The following TVP23A variants were observed in gnomAD, a reference collection of about 807,000 sequenced individuals.
The protein encoded by TVP23A is trans-golgi network vesicle protein 23 homolog A, also known as Golgi apparatus membrane protein TVP23 homolog A.
In TVP23A, 21 loss-of-function variants were observed where a neutral mutation model predicts 31.7. The observed-to-expected ratio is 0.66, with a 90% CI of 0.47 to 0.95. TVP23A has a LOEUF of 0.95. Among genes scored for constraint, TVP23A ranks in the 40% least tolerant of loss-of-function variants. The probability of loss-of-function intolerance (pLI) is 0.00; values close to 1 mark genes in which losing one functional copy is unlikely to be tolerated. For missense variants in TVP23A, 279 were observed against 255.6 expected (o/e 1.09, Z -0.62); for synonymous variants, 104 against 96.0 (o/e 1.08, Z -0.49).
Position 10,768,564 on chromosome 16 carries a change from G to T in TVP23A, c.*538C>A, listed in dbSNP as rs569685728. 81 of 157,024 alleles carry T rather than the reference G, an allele frequency of 5.2e-4. No individual in the cohort carries two copies. The highest frequency in any genetic ancestry group is 8.8e-4 in the Non-Finnish European group (63 of 71,474). The allele number at this position is 157,024 out of a possible 1,614,324, so 9.7% of individuals were successfully genotyped here. Reference sequence around the variant, plus strand: ...GGAGGCTGCAGTAAGGCGAGATCGCGCCACTGCACTCCAGCCTGGGCAACA... The same window carrying T: ...GGAGGCTGCAGTAAGGCGAGATCGCTCCACTGCACTCCAGCCTGGGCAACA... On this transcript the variant is annotated 3_prime_UTR_variant, in exon 8 of 8. Coordinates refer to ENST00000299866, the MANE Select transcript of TVP23A (RefSeq NM_001079512.4). The surrounding 1 kb of genome is among the most constrained non-coding windows in gnomAD (Gnocchi z 4.3).
chr16:10,777,881 G>C lies in TVP23A; in HGVS notation c.90-2785C>G, dbSNP rs550093621. ...CAAAAATTAGCTGAGCGTGGTGGTGGGCGCCTGTAGTCCCAGCTACTCGGG... is the reference window on the plus strand; with the variant it reads ...CAAAAATTAGCTGAGCGTGGTGGTGCGCGCCTGTAGTCCCAGCTACTCGGG... On this transcript the variant is annotated intron_variant, in intron 2 of 7. Coordinates refer to ENST00000299866, the MANE Select transcript of TVP23A (RefSeq NM_001079512.4). This position sits in a 1 kb window ranked among gnomAD's most constrained non-coding sequence, Gnocchi z 4.5. Among the ~76,000 whole-genome samples, 4 of 152,154 alleles carry C rather than the reference G, an allele frequency of 2.6e-5. No individual in the cohort carries two copies. In the East Asian group the frequency reaches 7.7e-4, roughly 29 times the overall value.
At chr16:10,761,335 T>C in exon 9 of TVP23A, 2 of 1,601,712 alleles carry the variant, frequency 1.2e-6, no homozygotes, top group South Asian at 1.1e-5. Flanking sequence ...ACTTTGATGC[T>C]GGAATCACTG....
Position 10,768,903 on chromosome 16 carries a change from C to T in TVP23A, c.*199G>A. 1.5e-6 allele frequency: 1 copy of T among 687,642 alleles called. No homozygotes were observed. Among genetic ancestry groups the T allele is most frequent in the Non-Finnish European group, 2.6e-6 (1 of 391,456 alleles). The allele number at this position is 687,642 out of a possible 1,614,324, so 42.6% of individuals were successfully genotyped here. On this transcript the variant is annotated 3_prime_UTR_variant, in exon 8 of 8. Transcript: ENST00000299866. This position sits in a 1 kb window ranked among gnomAD's most constrained non-coding sequence, Gnocchi z 4.3. ...GGTATTCCGGTCACTTTCAAAGACTCAGGGCATCACAGACACAGGTCTTTT... is the reference window on the plus strand; with the variant it reads ...GGTATTCCGGTCACTTTCAAAGACTTAGGGCATCACAGACACAGGTCTTTT...
Position 10,805,314 on chromosome 16 carries a change from G to A in TVP23A, c.89+12789C>T, listed in dbSNP as rs144275970. On this transcript the variant is annotated intron_variant, in intron 2 of 7. Transcript: ENST00000299866. The stretch of plus-strand genomic sequence containing the variant: ...CCCAAAGTGCTGGGATTACAGGTGT[G>A]AGCCACTGCACCCAGCCTAATGTGA... 4.0e-4 allele frequency among the ~76,000 whole-genome samples: 61 copies of A among 152,042 alleles called. No individual in the cohort carries two copies. The East Asian group carries it at 0.012, about 29-fold the overall frequency.
intron 2 of TVP23A, among the ~76,000 whole-genome samples, chr16:10,793,706 G>T (rs143726457): frequency 0.016 from 2,371 of 151,716 alleles, 26 homozygotes; most frequent in Non-Finnish European, 0.025. Flanking sequence ...ACCAGCTTGG[G>T]AAACATAGGG....
intron 5 of TVP23A, among the ~76,000 whole-genome samples, chr16:10,772,280 A>T (rs1272010025): frequency 6.6e-6 from 1 of 152,210 alleles, no homozygotes; most frequent in African/African-American, 2.4e-5. Context: ...ACAGAGCTGG[A>T]GCGTGGTCGA....
rs1236037685 is a variant in TVP23A, at chr16:10,799,481, C to G, written c.89+18622G>C. 2.0e-5 allele frequency among the ~76,000 whole-genome samples: 3 copies of G among 152,256 alleles called. No homozygotes were observed. The South Asian group carries it at 6.2e-4, about 32-fold the overall frequency. ...CCCGAGTAGCTCGGATTACAGGTGC[C>G]TACTACCACGCCTGACTAATTTTTG... is the stretch of plus-strand genomic sequence containing the variant. On this transcript the variant is annotated intron_variant, in intron 2 of 7. Transcript: ENST00000299866.
chr16:10,798,573 C>T (rs1459372611), intron 2 of TVP23A, among the ~76,000 whole-genome samples: 1 of 152,204 alleles, frequency 6.6e-6, no homozygotes, highest in Non-Finnish European at 1.5e-5. Context: ...GGGTCCTGGT[C>T]ATCAGAGTGG....
chr16:10,781,848 A>G, intron 2 of TVP23A, among the ~76,000 whole-genome samples: 1 of 134,002 alleles, frequency 7.5e-6, no homozygotes, highest in African/African-American at 2.9e-5. Context: ...AACTAACACA[A>G]TCTTTTTTTT....
intron 2 of TVP23A, among the ~76,000 whole-genome samples, chr16:10,790,279 ATT>A (rs376916439): frequency 1.4e-3 from 162 of 114,512 alleles, no homozygotes; most frequent in African/African-American, 4.5e-3. Flanking sequence ...TTGGGGTAAA[ATT>A]TTTTTTTTTT....
At chr16:10,808,635 G>A in intron 2 of TVP23A, 1 of 430,830 alleles carries the variant, frequency 2.3e-6, no homozygotes, top group Non-Finnish European at 4.7e-6. Flanking sequence ...AAATTAGCAG[G>A]GTGTAGTAGT....
intron 7 of TVP23A, 76 bp from the exon 8 acceptor site, chr16:10,769,177 G>C (rs1046300600): frequency 2.1e-6 from 3 of 1,426,000 alleles, no homozygotes; most frequent in African/African-American, 1.4e-5. Context: ...AGCCAGACCC[G>C]ACCAGCTCCG....
At chr16:10,774,920 G>T in intron 3 of TVP23A, 32 bp downstream of exon 3, 1 of 1,597,068 alleles carries the variant, frequency 6.3e-7, no homozygotes, top group South Asian at 1.1e-5. Flanking sequence ...CTCGTGTTTC[G>T]GAAGTGATGA....
At chr16:10,814,312 C>T (rs1424702418) in intron 2 of TVP23A, among the ~76,000 whole-genome samples, 1 of 152,172 alleles carries the variant, frequency 6.6e-6, no homozygotes, top group African/African-American at 2.4e-5. Flanking sequence ...TCTCGAGCTC[C>T]TGGCCTCTCC....
chr16:10,777,471 C>T lies in TVP23A; in HGVS notation c.90-2375G>A, dbSNP rs530271400. ...ATCCACACAGAACTGCAGGGGAAAG[C>T]GCCTGCTCATTCTCCCCAAGAAGAA... On this transcript the variant is annotated intron_variant, in intron 2 of 7. Transcript: ENST00000299866. The surrounding 1 kb of genome is among the most constrained non-coding windows in gnomAD (Gnocchi z 4.5). 3.3e-5 allele frequency among the ~76,000 whole-genome samples: 5 copies of T among 152,172 alleles called. No homozygotes were observed. Among genetic ancestry groups the T allele is most frequent in the South Asian group, 2.1e-4 (1 of 4,816 alleles).
Position 10,761,355 on chromosome 16 carries a change from C to T in TVP23A, c.*420G>A, listed in dbSNP as rs759050463. ...GATGCTGGAATCACTGGTCTTTTCACCTTCGTAGGAGGTGTCACTCCAGGA... is the reference window on the plus strand; with the variant it reads ...GATGCTGGAATCACTGGTCTTTTCATCTTCGTAGGAGGTGTCACTCCAGGA... On this transcript the variant is annotated 3_prime_UTR_variant and NMD_transcript_variant, in exon 9 of 9. Transcript: ENST00000456096. 1.4e-5 allele frequency: 22 copies of T among 1,613,152 alleles called. No homozygotes were observed. The Middle Eastern group carries it at 9.9e-4, about 73-fold the overall frequency.
Position 10,770,325 on chromosome 16 carries a change from G to A in TVP23A, c.589C>T (p.Pro197Ser). ...LSQTVFQTAC[P>S]GDFQKPGLEG... ...AGGCCAGGCTTCTGAAAGTCACCTGGGCAGGCCTGCAAGGGGAAAAGTCAA... is the reference window on the plus strand; with the variant it reads ...AGGCCAGGCTTCTGAAAGTCACCTGAGCAGGCCTGCAAGGGGAAAAGTCAA... The change falls in exon 7 of 8, where the codon CCA (proline) becomes TCA (serine). Residue 197 changes from proline to serine, a missense_variant. By Grantham distance (74) the Pro-to-Ser change is moderately conservative. Transcript: ENST00000299866. The A allele has an allele frequency of 6.4e-7, 1 of 1,551,470 alleles. No individual in the cohort carries two copies. The highest frequency in any genetic ancestry group is 8.7e-7 in the Non-Finnish European group (1 of 1,147,036).
At position 10,773,461 on chromosome 16, in the gene TVP23A, C is replaced by G; in HGVS notation, c.325-20G>C. 1 of 1,561,602 alleles carries G rather than the reference C, an allele frequency of 6.4e-7. No homozygotes were observed. The highest frequency in any genetic ancestry group is 8.6e-7 in the Non-Finnish European group (1 of 1,158,796). On this transcript the variant is annotated intron_variant, in intron 4 of 7. Transcript: ENST00000299866. The stretch of plus-strand genomic sequence containing the variant: ...AGAGACCTGTTAAAGGAAAGTAATT[C>G]AAATGTCAAAACAAGTGGAAATGGT...
downstream of TVP23A, among the ~76,000 whole-genome samples, chr16:10,759,928 G>A (rs926410957): frequency 4.6e-5 from 7 of 152,222 alleles, no homozygotes; most frequent in South Asian, 2.1e-4. The surrounding 1 kb of genome is among the most constrained non-coding windows in gnomAD (Gnocchi z 4.7). Context: ...TCGGGCTCAC[G>A]TGAGTGGTGA....
Sources: gnomAD v4.1 joint callset for allele counts (sites outside exome capture counted in the v4.1 genomes callset) on GRCh38, gnomAD v4.1.1 for gene constraint, Gnocchi (gnomAD v3.1) non-coding constraint, MANE v1.5 for transcripts, NCBI Gene and HGNC (gene_info 2026-07-23, HGNC 2026-07-21) for gene names.